PFKP: variants seen among roughly 807,000 people sequenced by gnomAD.
The protein encoded by PFKP is ATP-dependent 6-phosphofructokinase, platelet type.
PFKP carries 101 observed loss-of-function variants against 94.3 expected under a neutral mutation model. That is an observed-to-expected ratio of 1.07 (90% CI 0.91 to 1.26). The LOEUF is 1.26. Ranked by LOEUF, PFKP falls within the 50% of genes most tolerant of loss-of-function variation. PFKP has a pLI of 0.00. For missense variants in PFKP, 1,145 were observed against 1,103.3 expected (o/e 1.04, Z -0.53); for synonymous variants, 573 against 432.6 (o/e 1.32, Z -4.03).
intron 2 of PFKP, among the ~76,000 whole-genome samples, chr10:3,093,636 A>ATTTTTTTTTTTTTTTTT (rs1834231027): frequency 1.0e-5 from 1 of 98,786 alleles, no homozygotes; most frequent in Admixed American, 1.0e-4. Context: ...AACAAGCATT[A>ATTTTTTTTTTTTTTTTT]TCTTTTTTTT....
At chr10:3,106,609 AC>A (rs1835589797) in intron 7 of PFKP, among the ~76,000 whole-genome samples, 2 of 20,846 alleles carry the variant, frequency 9.6e-5, no homozygotes, top group Admixed American at 5.2e-4. Context: ...CCCTCTCCTC[AC>A]CCCTGCCACT....
At chr10:3,082,275 A>T in intron 1 of PFKP, 113 bp from the exon 2 acceptor site, 1 of 637,504 alleles carries the variant, frequency 1.6e-6, no homozygotes, top group Non-Finnish European at 2.7e-6. Context: ...TTCTCATATT[A>T]GGAAATGAGG....
In PFKP at chr10:3,105,181, G is replaced by A. The variant is rs764210221; in HGVS notation, c.665+22G>A. 5.2e-5 allele frequency: 84 copies of A among 1,607,730 alleles called. 1 individual carries two copies. The highest frequency in any genetic ancestry group is 5.2e-4 in the South Asian group (47 of 90,916). On this transcript the variant is annotated intron_variant, in intron 6 of 21. Transcript: ENST00000381125. ...GTGGGTACGTACCTGCGGTGGGTCC[G>A]GTGGACGCGGTTCAGGTGGGGGACC...
At position 3,119,887 on chromosome 10, in the gene PFKP, G is replaced by C; in HGVS notation, c.1531-5G>C. On this transcript the variant is annotated splice_polypyrimidine_tract_variant and splice_region_variant and intron_variant, in intron 15 of 21. Transcript: ENST00000381125. Reference sequence around the variant, plus strand: ...CGCCCCACAACTCCCACGCTTGTCTGACAGGCCTACCTGGGACTCCTGGAG... The same window carrying C: ...CGCCCCACAACTCCCACGCTTGTCTCACAGGCCTACCTGGGACTCCTGGAG... The C allele has an allele frequency of 6.2e-7, 1 of 1,613,992 alleles. No individual in the cohort carries two copies. Among genetic ancestry groups the C allele is most frequent in the Non-Finnish European group, 8.5e-7 (1 of 1,179,986 alleles).
rs532188438 is a variant in PFKP, at chr10:3,111,214, G to A, written c.1090-1008G>A. Among the ~76,000 whole-genome samples the A allele has an allele frequency of 9.2e-5, 14 of 152,156 alleles. No individual in the cohort carries two copies. The South Asian group carries it at 2.7e-3, about 29-fold the overall frequency. On this transcript the variant is annotated intron_variant, in intron 10 of 21. Transcript: ENST00000381125. ...AGGTAGTATGTGCCTGCATGTTTGT[G>A]TGTGTGTGCAGGTATGTTTCTATGC...
intron 2 of PFKP, among the ~76,000 whole-genome samples, chr10:3,082,733 C>A (rs933689654): frequency 2.0e-5 from 3 of 151,732 alleles, no homozygotes; most frequent in African/African-American, 4.8e-5. Context: ...TCTTTTTTTT[C>A]TTTTTTAGAC....
At chr10:3,119,757 T>C in intron 15 of PFKP, 135 bp from the exon 16 acceptor site, 1 of 660,964 alleles carries the variant, frequency 1.5e-6, no homozygotes, top group Non-Finnish European at 2.6e-6. Flanking sequence ...TGTGTGTTGA[T>C]CTCGGAGTGT....
chr10:3,116,880 T>C, intron 14 of PFKP, 34 bp downstream of exon 14: 1 of 1,486,566 alleles, frequency 6.7e-7, no homozygotes, highest in Non-Finnish European at 9.4e-7. Flanking sequence ...TGACCTGCTT[T>C]TAAGGAAGAA....
chr10:3,104,202 T>A (rs1835313135), intron 5 of PFKP, among the ~76,000 whole-genome samples: 1 of 152,232 alleles, frequency 6.6e-6, no homozygotes, highest in Non-Finnish European at 1.5e-5. Flanking sequence ...GTAATTATCC[T>A]CTAAATGTCC....
intron 1 of PFKP, among the ~76,000 whole-genome samples, chr10:3,072,733 A>T (rs1471272507): frequency 6.6e-6 from 1 of 151,954 alleles, no homozygotes; most frequent in Non-Finnish European, 1.5e-5. Flanking sequence ...CCAACCTTTT[A>T]TCAGGGAGAA....
chr10:3,134,406 ATAGAAATTGTCATTTCTATT>A, intron 19 of PFKP, 57 bp from the exon 20 acceptor site: 1 of 865,098 alleles, frequency 1.2e-6, no homozygotes, highest in Non-Finnish European at 1.9e-6. Context: ...ATTCTGCAAA[ATAGAAATTGTCATTTCTATT>A]TAACAGCAAA....
intron 4 of PFKP, among the ~76,000 whole-genome samples, chr10:3,102,051 A>G (rs1385346513): frequency 1.3e-5 from 2 of 150,506 alleles, no homozygotes; most frequent in Non-Finnish European, 3.0e-5. Context: ...GGAGATCGAG[A>G]CCATCCCGGC....
chr10:3,069,166 G>A, intron 1 of PFKP: 7 of 1,098,026 alleles, frequency 6.4e-6, no homozygotes, highest in Non-Finnish European at 8.0e-6. Context: ...GGAGACCCGG[G>A]TGGCAGCGCC....
At chr10:3,088,076 A>G (rs1175825914) in intron 2 of PFKP, among the ~76,000 whole-genome samples, 1 of 139,090 alleles carries the variant, frequency 7.2e-6, no homozygotes, top group Non-Finnish European at 1.5e-5. Context: ...TACATGTGCC[A>G]TGTTGGTTTG....
chr10:3,101,419 C>T lies in PFKP; in HGVS notation c.319C>T (p.Arg107Cys), dbSNP rs765820836. ...CCAGGCCTTCCGCACGCGGGAAGGC[C>T]GCCTGAAGGCTGCTTGCAACCTGCT... ...RCQAFRTREG[R>C]LKAACNLLQR... The change falls in exon 4 of 22, where the codon CGC becomes TGC. Residue 107 changes from arginine to cysteine, a missense_variant. Arg to Cys is a radical substitution (Grantham distance 180, BLOSUM62 -3). Coordinates refer to ENST00000381125, the MANE Select transcript of PFKP (RefSeq NM_002627.5). 1.1e-5 allele frequency: 17 copies of T among 1,606,138 alleles called. No individual in the cohort carries two copies. The highest frequency in any genetic ancestry group is 3.3e-5 in the South Asian group (3 of 89,720).
chr10:3,102,901 T>C (rs1038758990), intron 4 of PFKP, among the ~76,000 whole-genome samples: 7 of 152,212 alleles, frequency 4.6e-5, no homozygotes, highest in Non-Finnish European at 1.0e-4. Context: ...GTCCACCTCA[T>C]CCCGTCTGGC....
intron 2 of PFKP, among the ~76,000 whole-genome samples, chr10:3,095,266 A>ACGCGCATAGGGGAACTAC (rs139046692): frequency 6.6e-6 from 1 of 152,154 alleles, no homozygotes; most frequent in Non-Finnish European, 1.5e-5. Flanking sequence ...TAGGTGAACT[A>ACGCGCATAGGGGAACTAC]GCTTACTCCA....
chr10:3,131,551 G>A (rs1838591861), intron 17 of PFKP, among the ~76,000 whole-genome samples: 1 of 152,146 alleles, frequency 6.6e-6, no homozygotes. Context: ...CCGCCTCCTG[G>A]GTTTAAGCAA....
chr10:3,076,017 C>CAAAAAAAAAAAAA (rs59102828), intron 1 of PFKP, among the ~76,000 whole-genome samples: 3 of 61,848 alleles, frequency 4.9e-5, no homozygotes, highest in African/African-American at 1.8e-4. Flanking sequence ...GACTCCGTCT[C>CAAAAAAAAAAAAA]AAAAAAAAAA....
Sources: gnomAD v4.1 joint callset for allele counts (sites outside exome capture counted in the v4.1 genomes callset) on GRCh38, gnomAD v4.1.1 for gene constraint, MANE v1.5 for transcripts, NCBI Gene and HGNC (gene_info 2026-07-23, HGNC 2026-07-21) for gene names.